The following CDH23 variants were observed in gnomAD, a reference collection of about 807,000 sequenced individuals.
CDH23 encodes the protein cadherin-23.
CDH23 carries 189 observed loss-of-function variants against 317.1 expected under a neutral mutation model. That is an observed-to-expected ratio of 0.60 (90% confidence interval 0.53 to 0.67). The LOEUF (loss-of-function observed/expected upper bound fraction) is 0.67, where lower values mean the gene tolerates loss of function less well. CDH23 is among the 30% of genes least tolerant of loss of function. CDH23 has a pLI of 0.00. For synonymous variants in CDH23, 1,839 were observed against 1,876.8 expected (o/e 0.98, Z 0.52); for missense variants, 4,401 against 4,592.4 (o/e 0.96, Z 1.20).
intron 14 of CDH23, among the ~76,000 whole-genome samples, chr10:71,674,649 T>C (rs933478230): frequency 6.6e-6 from 1 of 152,212 alleles, no homozygotes; most frequent in Non-Finnish European, 1.5e-5. Flanking sequence ...CCACCTCCAA[T>C]TTACAGATGG....
chr10:71,786,741 A>C (rs1252545244), intron 44 of CDH23, among the ~76,000 whole-genome samples: 4 of 151,962 alleles, frequency 2.6e-5, no homozygotes, highest in African/African-American at 9.7e-5. Flanking sequence ...CAAGCAATCC[A>C]CCTGCCTCAG....
chr10:71,710,028 G>A (rs1325043787), intron 27 of CDH23, among the ~76,000 whole-genome samples: 1 of 152,160 alleles, frequency 6.6e-6, no homozygotes, highest in Admixed American at 6.5e-5. Context: ...CGAGAACAGT[G>A]TAGGAGAAAA....
intron 9 of CDH23, among the ~76,000 whole-genome samples, chr10:71,612,291 TG>T (rs1386132742): frequency 6.6e-6 from 1 of 151,610 alleles, no homozygotes; most frequent in African/African-American, 2.4e-5. Flanking sequence ...GTGGACTGTG[TG>T]GGGGGTACTT....
intron 1 of CDH23, among the ~76,000 whole-genome samples, chr10:71,420,494 A>G (rs2131947686): frequency 1.3e-5 from 2 of 148,168 alleles, no homozygotes; most frequent in Non-Finnish European, 3.0e-5. Context: ...GATGGTGATG[A>G]TGGTAATGGT....
intron 1 of CDH23, among the ~76,000 whole-genome samples, chr10:71,421,893 G>T (rs924970765): frequency 6.6e-6 from 1 of 151,968 alleles, no homozygotes; most frequent in Non-Finnish European, 1.5e-5. Context: ...TAGGAGTCGT[G>T]TGAAGCTTTT....
At position 71,725,558 on chromosome 10, in the gene CDH23, C is replaced by T. The variant is rs528420714; in HGVS notation, c.3579+38C>T. The T allele has an allele frequency of 2.3e-5, 37 of 1,596,100 alleles. 3 individuals are homozygous for T. In the South Asian group the frequency reaches 3.2e-4, roughly 14 times the overall value. ...GCGGGCTGGGGTGCTGACCTCAGGA[C>T]GGGGCCAAGCCCACAGCTAGAACAG... On this transcript the variant is annotated intron_variant, in intron 30 of 69. Coordinates refer to ENST00000224721, the MANE Select transcript of CDH23 (RefSeq NM_022124.6).
intron 30 of CDH23, among the ~76,000 whole-genome samples, chr10:71,725,876 T>C (rs1866786519): frequency 1.3e-5 from 2 of 152,322 alleles, no homozygotes; most frequent in South Asian, 4.1e-4. Context: ...AACCTCATTT[T>C]ACAGATGAGA....
chr10:71,612,629 A>T (rs1448437904), intron 9 of CDH23, among the ~76,000 whole-genome samples: 1 of 148,660 alleles, frequency 6.7e-6, no homozygotes, highest in Non-Finnish European at 1.5e-5. Flanking sequence ...GAATGCTGGG[A>T]TGCTGTCTGT....
In CDH23 at chr10:71,815,435, T is replaced by C; in HGVS notation, c.*157T>C. ...TGGCAGCCCGCATCAGCTGCTCAGA[T>C]CCCACTTTTGCCAGACGCTCATTCA... On this transcript the variant is annotated 3_prime_UTR_variant, in exon 70 of 70. Coordinates refer to ENST00000224721, the MANE Select transcript of CDH23 (RefSeq NM_022124.6). The C allele has an allele frequency of 1.7e-6, 1 of 596,350 alleles. No homozygotes were observed. Among genetic ancestry groups the C allele is most frequent in the Middle Eastern group, 3.0e-4 (1 of 3,312 alleles). 36.9% of individuals were successfully genotyped at this position (596,350 alleles called of 1,614,324 possible). A position where few individuals can be genotyped will look rare whatever the true frequency, so the allele number is the denominator to read the frequency against.
intron 11 of CDH23, among the ~76,000 whole-genome samples, chr10:71,618,110 A>G (rs1324854397): frequency 2.0e-5 from 3 of 152,124 alleles, no homozygotes; most frequent in Admixed American, 2.0e-4. Flanking sequence ...TAATGACCTT[A>G]GCAGAAAGTC....
chr10:71,722,332 G>A (rs895610776), intron 28 of CDH23, among the ~76,000 whole-genome samples: 1 of 152,206 alleles, frequency 6.6e-6, no homozygotes, highest in African/African-American at 2.4e-5. Context: ...GCAATACTGG[G>A]ATACCCTACA....
At chr10:71,722,430 T>A (rs1194039989) in intron 28 of CDH23, among the ~76,000 whole-genome samples, 1 of 152,150 alleles carries the variant, frequency 6.6e-6, no homozygotes, top group East Asian at 1.9e-4. Flanking sequence ...GGCTGAATGT[T>A]GTATGTGTCC....
At chr10:71,478,130 C>A (rs1177149953) in intron 3 of CDH23, among the ~76,000 whole-genome samples, 1 of 152,198 alleles carries the variant, frequency 6.6e-6, no homozygotes, top group Non-Finnish European at 1.5e-5. Flanking sequence ...CCAAAAGAAT[C>A]TTCTAAAAGT....
chr10:71,531,961 G>A (rs923400892), intron 6 of CDH23, among the ~76,000 whole-genome samples: 89 of 152,112 alleles, frequency 5.9e-4, no homozygotes, highest in African/African-American at 1.5e-3. Context: ...TGGACTAAAC[G>A]TTTCTCAGTC....
intron 9 of CDH23, among the ~76,000 whole-genome samples, chr10:71,595,864 A>G (rs906472499): frequency 1.3e-5 from 2 of 151,880 alleles, no homozygotes; most frequent in African/African-American, 4.8e-5. Flanking sequence ...TTTCTGTCAC[A>G]CCCCAGCCAC....
At chr10:71,419,989 C>T (rs1399193686) in intron 1 of CDH23, among the ~76,000 whole-genome samples, 1 of 152,182 alleles carries the variant, frequency 6.6e-6, no homozygotes, top group Non-Finnish European at 1.5e-5. Context: ...GTCCCGGCTA[C>T]TGCTGGATGC....
intron 14 of CDH23, among the ~76,000 whole-genome samples, chr10:71,649,841 T>C (rs1285230620): frequency 6.6e-6 from 1 of 152,224 alleles, no homozygotes; most frequent in East Asian, 1.9e-4. Context: ...ACCTGTTAAG[T>C]AGGCGCTGTT....
At position 71,815,288 on chromosome 10, in the gene CDH23, G is replaced by A. The variant is rs747981206; in HGVS notation, c.*10G>A. On this transcript the variant is annotated 3_prime_UTR_variant, in exon 70 of 70. Transcript: ENST00000224721. ...GATCACAGAGCTGTGACTAGACAGG[G>A]AAGCCTTGTGGGTGTGAGCAGCACC... 6.5e-7 allele frequency: 1 copy of A among 1,549,380 alleles called. No homozygotes were observed. Among genetic ancestry groups the A allele is most frequent in the Admixed American group, 1.8e-5 (1 of 55,514 alleles).
chr10:71,771,244 C>T (rs1257961421), intron 38 of CDH23, among the ~76,000 whole-genome samples: 1 of 152,168 alleles, frequency 6.6e-6, no homozygotes, highest in East Asian at 1.9e-4. Flanking sequence ...TACCTCTCCA[C>T]CCATCTCACC....
Sources: allele counts gnomAD v4.1 joint callset (sites outside exome capture counted in the v4.1 genomes callset), GRCh38; gene constraint gnomAD v4.1.1; transcripts MANE v1.5; gene names NCBI Gene and HGNC (gene_info 2026-07-23, HGNC 2026-07-21).